The following LRRC4C variants were observed in gnomAD, a reference collection of about 807,000 sequenced individuals.
LRRC4C encodes leucine rich repeat containing 4C.
LRRC4C carries 5 observed loss-of-function variants against 33.6 expected under a neutral mutation model. The ratio of observed to expected loss-of-function variants is 0.15; its 90% CI spans 0.08 to 0.31. The LOEUF (loss-of-function observed/expected upper bound fraction) is 0.31. Among genes scored for constraint, LRRC4C ranks in the 10% least tolerant of loss-of-function variants. LRRC4C has a pLI of 1.00. For missense variants in LRRC4C, 560 were observed against 796.7 expected (o/e 0.70, Z 3.58); for synonymous variants, 329 against 302.0 (o/e 1.09, Z -0.93).
intron 5 of LRRC4C, among the ~76,000 whole-genome samples, chr11:40,192,368 G>T (rs926603159): frequency 6.6e-6 from 1 of 152,132 alleles, no homozygotes; most frequent in Non-Finnish European, 1.5e-5. Context: ...ACAAAGGGTT[G>T]GGGAACTCCC....
intron 3 of LRRC4C, among the ~76,000 whole-genome samples, chr11:40,509,725 G>A (rs571842566): frequency 2.6e-5 from 4 of 151,900 alleles, no homozygotes; most frequent in East Asian, 1.9e-4. Flanking sequence ...AAACTTTATC[G>A]TGTTTCAAAT....
chr11:41,087,025 C>A (rs7935110), intron 1 of LRRC4C, among the ~76,000 whole-genome samples: 2 of 151,794 alleles, frequency 1.3e-5, no homozygotes, highest in African/African-American at 2.4e-5. Context: ...TCTGCCATTC[C>A]TGCACCAGAA....
At chr11:41,355,070 G>A (rs1952112239) in intron 1 of LRRC4C, among the ~76,000 whole-genome samples, 1 of 152,032 alleles carries the variant, frequency 6.6e-6, no homozygotes, top group Admixed American at 6.6e-5. Context: ...TACAGAATAG[G>A]AGAAAATATG....
chr11:41,281,068 C>G (rs1216982452), intron 1 of LRRC4C, among the ~76,000 whole-genome samples: 189 of 136,958 alleles, frequency 1.4e-3, no homozygotes, highest in African/African-American at 5.0e-3. Flanking sequence ...CTCTCTCTCT[C>G]TCTCTCTGTC....
At chr11:40,973,924 C>G (rs939555734) in intron 1 of LRRC4C, among the ~76,000 whole-genome samples, 23 of 151,988 alleles carry the variant, frequency 1.5e-4, no homozygotes, top group Admixed American at 9.2e-4. Flanking sequence ...TGTGGAGCCT[C>G]TTTTTCCAGT....
At chr11:40,463,835 T>C (rs1952524550) in intron 3 of LRRC4C, among the ~76,000 whole-genome samples, 1 of 152,086 alleles carries the variant, frequency 6.6e-6, no homozygotes, top group African/African-American at 2.4e-5. Context: ...TAAACTTACT[T>C]GGCTGTATAA....
chr11:40,564,564 G>A (rs1426078849), intron 3 of LRRC4C, among the ~76,000 whole-genome samples: 2 of 152,090 alleles, frequency 1.3e-5, no homozygotes. Flanking sequence ...GATGGGGATT[G>A]CGCCAAATGC....
At chr11:40,880,509 C>T (rs913491248) in intron 2 of LRRC4C, among the ~76,000 whole-genome samples, 1 of 139,824 alleles carries the variant, frequency 7.2e-6, no homozygotes, top group African/African-American at 2.7e-5. Flanking sequence ...CTGGTGACTC[C>T]TACGAACCCC....
At chr11:40,249,167 A>G (rs1313615143) in intron 4 of LRRC4C, among the ~76,000 whole-genome samples, 2 of 152,058 alleles carry the variant, frequency 1.3e-5, no homozygotes, top group Non-Finnish European at 2.9e-5. Flanking sequence ...GTGAAACCCC[A>G]TCTCTACTAA....
chr11:41,278,429 G>A (rs1444977821), intron 1 of LRRC4C, among the ~76,000 whole-genome samples: 2 of 152,160 alleles, frequency 1.3e-5, no homozygotes, highest in Admixed American at 6.5e-5. Flanking sequence ...AGAATCTATC[G>A]ATGACATTAA....
At chr11:41,378,687 C>T (rs1005257630) in intron 1 of LRRC4C, among the ~76,000 whole-genome samples, 1 of 152,234 alleles carries the variant, frequency 6.6e-6, no homozygotes, top group East Asian at 1.9e-4. Flanking sequence ...ACAGGTTATA[C>T]TAAATGTAGT....
At chr11:40,520,311 C>A (rs1045960286) in intron 3 of LRRC4C, among the ~76,000 whole-genome samples, 9 of 152,078 alleles carry the variant, frequency 5.9e-5, no homozygotes, top group Non-Finnish European at 1.3e-4. Flanking sequence ...GTGCAGGAGG[C>A]CTAACATTTG....
At chr11:41,418,573 A>G (rs1565657965) in intron 1 of LRRC4C, among the ~76,000 whole-genome samples, 2 of 152,060 alleles carry the variant, frequency 1.3e-5, no homozygotes, top group Admixed American at 6.6e-5. Flanking sequence ...ATGTTACAAG[A>G]TAGAGTAAAT....
At chr11:41,100,689 T>A (rs1941118567) in intron 1 of LRRC4C, among the ~76,000 whole-genome samples, 2 of 152,144 alleles carry the variant, frequency 1.3e-5, no homozygotes, top group Non-Finnish European at 2.9e-5. Flanking sequence ...AGAAGAAAAC[T>A]ATTTTAAAAT....
At chr11:40,578,268 G>T (rs1958309467) in intron 3 of LRRC4C, among the ~76,000 whole-genome samples, 1 of 148,370 alleles carries the variant, frequency 6.7e-6, no homozygotes, top group Non-Finnish European at 1.5e-5. Context: ...TGGCAAACAG[G>T]TGAGCCCTAA....
At chr11:40,452,264 T>A (rs1471840669) in intron 3 of LRRC4C, among the ~76,000 whole-genome samples, 4 of 151,910 alleles carry the variant, frequency 2.6e-5, no homozygotes, top group East Asian at 3.9e-4. Context: ...TGGGAGAAAA[T>A]TTTTGCAGTC....
At position 40,591,155 on chromosome 11, in the gene LRRC4C, G is replaced by A. The variant is rs187789640; in HGVS notation, c.-270+56987C>T. On this transcript the variant is annotated intron_variant, in intron 3 of 6. Transcript: ENST00000528697. ...ACTCCGTGGGCATACGACCCTCCGA[G>A]CCAGGTACCGGATATAATCTCTTGG... is the stretch of plus-strand genomic sequence containing the variant. Among the ~76,000 whole-genome samples the A allele has an allele frequency of 3.3e-4, 51 of 152,274 alleles. 1 individual carries two copies. Among genetic ancestry groups the A allele is most frequent in the African/African-American group, 8.7e-4 (36 of 41,568 alleles).
intron 3 of LRRC4C, among the ~76,000 whole-genome samples, chr11:40,540,478 G>T (rs1488951603): frequency 6.6e-6 from 1 of 152,066 alleles, no homozygotes; most frequent in African/African-American, 2.4e-5. Context: ...TTTGTCAGGA[G>T]TATTGTAGAT....
At chr11:40,267,250 T>C (rs565882805) in intron 4 of LRRC4C, among the ~76,000 whole-genome samples, 1 of 152,304 alleles carries the variant, frequency 6.6e-6, no homozygotes, top group South Asian at 2.1e-4. Flanking sequence ...ATATGTTAAC[T>C]TACTAAGTTG....
Sources: gnomAD v4.1 joint callset for allele counts (sites outside exome capture counted in the v4.1 genomes callset) on GRCh38, gnomAD v4.1.1 for gene constraint, MANE v1.5 for transcripts, NCBI Gene and HGNC (gene_info 2026-07-23, HGNC 2026-07-21) for gene names.